KCNIP4: variants seen among roughly 807,000 people sequenced by gnomAD.
The protein encoded by KCNIP4 is potassium voltage-gated channel interacting protein 4.
A neutral mutation model predicts 34.0 loss-of-function variants in KCNIP4; 12 were observed. That is an observed-to-expected ratio of 0.35 (90% CI 0.23 to 0.57). The LOEUF (loss-of-function observed/expected upper bound fraction) is 0.57, where lower values mean the gene tolerates loss of function less well. KCNIP4 is among the 20% of genes least tolerant of loss of function. KCNIP4 has a pLI of 0.83. For missense variants in KCNIP4, 238 were observed against 311.7 expected, an observed-to-expected ratio of 0.76 and a Z score of 1.78; for synonymous variants, 124 against 102.2, an observed-to-expected ratio of 1.21 and a Z score of -1.29.
chr4:21,643,957 G>A (rs1746823079), intron 1 of KCNIP4, among the ~76,000 whole-genome samples: 1 of 151,792 alleles, frequency 6.6e-6, no homozygotes, highest in East Asian at 1.9e-4. Flanking sequence ...ACTGGTTGTG[G>A]CCCTAATTAA....
At position 20,798,127 on chromosome 4, in the gene KCNIP4, C is replaced by T. The variant is rs145892456; in HGVS notation, c.289-39237G>A. ...ACATTCATTAAGTGCCTATCATGTC[C>T]CTTCTCTAATCGTTATGACGAGTTT... On this transcript the variant is annotated intron_variant, in intron 3 of 8. Transcript: ENST00000382152. Among the ~76,000 whole-genome samples, 338 of 152,248 alleles carry T rather than the reference C, an allele frequency of 2.2e-3. 1 individual carries two copies. Among genetic ancestry groups the T allele is most frequent in the Non-Finnish European group, 1.7e-3 (118 of 68,022 alleles).
At chr4:20,780,170 A>G (rs555293329) in intron 3 of KCNIP4, among the ~76,000 whole-genome samples, 2 of 152,186 alleles carry the variant, frequency 1.3e-5, no homozygotes, top group Non-Finnish European at 2.9e-5. Flanking sequence ...TGCAGAATCA[A>G]TGAGCAGAAT....
chr4:21,185,653 G>A (rs1030662500), intron 1 of KCNIP4, among the ~76,000 whole-genome samples: 10 of 152,178 alleles, frequency 6.6e-5, no homozygotes, highest in Non-Finnish European at 8.8e-5. Flanking sequence ...GTATTTGAGT[G>A]AGTAGTCAGT....
chr4:20,787,019 G>A (rs1161420336), intron 3 of KCNIP4, among the ~76,000 whole-genome samples: 1 of 152,060 alleles, frequency 6.6e-6, no homozygotes, highest in African/African-American at 2.4e-5. Flanking sequence ...TTTTTGAGGC[G>A]ATTATTCTTA....
At chr4:20,744,129 A>T (rs1288164869) in intron 5 of KCNIP4, among the ~76,000 whole-genome samples, 1 of 151,944 alleles carries the variant, frequency 6.6e-6, no homozygotes, top group Non-Finnish European at 1.5e-5. Flanking sequence ...GCTGGAGAGG[A>T]TGTGGAGAAA....
intron 1 of KCNIP4, among the ~76,000 whole-genome samples, chr4:21,510,869 A>G (rs1371199268): frequency 1.8e-5 from 1 of 57,012 alleles, no homozygotes; most frequent in African/African-American, 4.5e-5. Flanking sequence ...ATACAAAATA[A>G]AAATTAAAAA....
chr4:20,852,012 CTCAAACAAACAA>C (rs993387256), intron 2 of KCNIP4, among the ~76,000 whole-genome samples: 4 of 148,470 alleles, frequency 2.7e-5, no homozygotes, highest in Non-Finnish European at 6.1e-5. Context: ...GAGACCCTGT[CTCAAACAAACAA>C]TCAAACAAAC....
chr4:20,884,065 A>G (rs1042429165), intron 1 of KCNIP4, among the ~76,000 whole-genome samples: 2 of 152,082 alleles, frequency 1.3e-5, no homozygotes, highest in African/African-American at 4.8e-5. Flanking sequence ...CTTGACACTT[A>G]TGTGGTATGA....
At chr4:21,931,136 T>G (rs1327205640) in intron 1 of KCNIP4, among the ~76,000 whole-genome samples, 1 of 152,086 alleles carries the variant, frequency 6.6e-6, no homozygotes, top group Admixed American at 6.6e-5. Context: ...TTGCATGTCA[T>G]TATAGAACAA....
chr4:21,229,731 A>G (rs1758660079), intron 1 of KCNIP4, among the ~76,000 whole-genome samples: 1 of 152,132 alleles, frequency 6.6e-6, no homozygotes, highest in Non-Finnish European at 1.5e-5. Context: ...AGGCGAGAGT[A>G]AAAAGATGAG....
At chr4:21,878,429 C>T (rs1726269808) in intron 1 of KCNIP4, among the ~76,000 whole-genome samples, 1 of 152,144 alleles carries the variant, frequency 6.6e-6, no homozygotes, top group African/African-American at 2.4e-5. Context: ...TTTCTGCATA[C>T]AGAATAGTTT....
chr4:21,238,343 C>A (rs2109042128), intron 1 of KCNIP4, among the ~76,000 whole-genome samples: 1 of 152,278 alleles, frequency 6.6e-6, no homozygotes, highest in East Asian at 1.9e-4. Flanking sequence ...CCTCTCTCAC[C>A]ACTCCTATTC....
In KCNIP4 at chr4:20,815,794, G is replaced by T. The variant is rs544580403; in HGVS notation, c.288+34749C>A. 1.4e-4 allele frequency among the ~76,000 whole-genome samples: 22 copies of T among 152,214 alleles called. No homozygotes were observed. In the South Asian group the frequency reaches 4.6e-3, roughly 32 times the overall value. On this transcript the variant is annotated intron_variant, in intron 3 of 8. Coordinates refer to ENST00000382152, the MANE Select transcript of KCNIP4 (RefSeq NM_025221.6). ...CATGTATCACACCCCTTTGAAAAACGCAACAGTATTTTCAGCTAGTCATCA... is the reference window on the plus strand; with the variant it reads ...CATGTATCACACCCCTTTGAAAAACTCAACAGTATTTTCAGCTAGTCATCA...
intron 1 of KCNIP4, among the ~76,000 whole-genome samples, chr4:21,798,724 G>C (rs1282399906): frequency 6.6e-6 from 1 of 151,876 alleles, no homozygotes; most frequent in Non-Finnish European, 1.5e-5. Flanking sequence ...CTAGATTTCA[G>C]CTTTACATTT....
intron 1 of KCNIP4, among the ~76,000 whole-genome samples, chr4:21,425,150 C>T (rs983850564): frequency 2.0e-5 from 3 of 152,012 alleles, no homozygotes; most frequent in Non-Finnish European, 2.9e-5. Flanking sequence ...CTTTGAAGGA[C>T]TCTGGTTATA....
At chr4:21,282,130 T>G (rs1195154363) in intron 1 of KCNIP4, among the ~76,000 whole-genome samples, 1 of 152,210 alleles carries the variant, frequency 6.6e-6, no homozygotes, top group Non-Finnish European at 1.5e-5. Context: ...TCAGTTTAGG[T>G]AAAGCTTAGA....
intron 1 of KCNIP4, among the ~76,000 whole-genome samples, chr4:21,293,502 G>A (rs1763660906): frequency 6.6e-6 from 1 of 152,162 alleles, no homozygotes; most frequent in Non-Finnish European, 1.5e-5. Flanking sequence ...ATGTCATGCT[G>A]TCAAATAATC....
intron 1 of KCNIP4, among the ~76,000 whole-genome samples, chr4:21,318,540 T>C (rs1249353706): frequency 6.6e-6 from 1 of 152,202 alleles, no homozygotes; most frequent in East Asian, 1.9e-4. Flanking sequence ...TTATCAGTTA[T>C]TTGCTTTTAT....
chr4:21,533,268 G>T (rs1031724880), intron 1 of KCNIP4, among the ~76,000 whole-genome samples: 2 of 151,928 alleles, frequency 1.3e-5, no homozygotes, highest in African/African-American at 4.8e-5. Context: ...AAATTTTATT[G>T]TATGTATTTC....
Sources: gnomAD v4.1 joint callset for allele counts (sites outside exome capture counted in the v4.1 genomes callset) on GRCh38, gnomAD v4.1.1 for gene constraint, MANE v1.5 for transcripts, NCBI Gene and HGNC (gene_info 2026-07-23, HGNC 2026-07-21) for gene names.